WBP2NL: variants seen among roughly 807,000 people sequenced by gnomAD.
WBP2NL encodes the protein WBP2 N-terminal like, also known as postacrosomal sheath WW domain-binding protein.
Under a neutral mutation model 23.3 loss-of-function variants are expected in WBP2NL, and 27 were observed. The observed-to-expected ratio is 1.16, with a 90% CI of 0.85 to 1.60. The LOEUF (loss-of-function observed/expected upper bound fraction) is 1.60. Ranked by LOEUF, WBP2NL falls within the 40% of genes most tolerant of loss-of-function variation. WBP2NL has a pLI of 0.00. For synonymous variants in WBP2NL, 151 were observed against 145.9 expected (o/e 1.03, Z -0.25); for missense variants, 370 against 389.5 (o/e 0.95, Z 0.42).
chr22:42,055,492 T>C (rs1448831050), intron 8 of WBP2NL, among the ~76,000 whole-genome samples: 1 of 152,182 alleles, frequency 6.6e-6, no homozygotes, highest in Non-Finnish European at 1.5e-5. Flanking sequence ...TCTTTTACAA[T>C]TTAGTGATAC....
At chr22:42,029,625 G>C (rs1411955795), downstream of WBP2NL, among the ~76,000 whole-genome samples, 2 of 152,144 alleles carry the variant, frequency 1.3e-5, no homozygotes, top group Non-Finnish European at 2.9e-5. Flanking sequence ...TCCTGTCTCA[G>C]CCTCCTGAAG....
At chr22:42,026,227 G>A (rs1009209854) in intron 5 of WBP2NL, among the ~76,000 whole-genome samples, 9 of 150,906 alleles carry the variant, frequency 6.0e-5, no homozygotes, top group East Asian at 1.9e-4. Flanking sequence ...AGCCAAGATC[G>A]CGCCACTGCA....
chr22:42,018,035 G>T (rs1923476964), intron 1 of WBP2NL, among the ~76,000 whole-genome samples: 1 of 151,702 alleles, frequency 6.6e-6, no homozygotes, highest in African/African-American at 2.4e-5. Context: ...CTTAATCCCA[G>T]CTATTTGGGA....
chr22:42,026,441 A>G (rs774457509), intron 5 of WBP2NL, among the ~76,000 whole-genome samples: 1 of 151,900 alleles, frequency 6.6e-6, no homozygotes, highest in Admixed American at 6.6e-5. Flanking sequence ...TCTTTTCTCT[A>G]TTTTCCAAAC....
At chr22:42,015,498 G>A (rs1419998316) in intron 1 of WBP2NL, among the ~76,000 whole-genome samples, 1 of 152,056 alleles carries the variant, frequency 6.6e-6, no homozygotes, top group East Asian at 1.9e-4. Context: ...TGCCTCCCGG[G>A]TTCAAGCAAT....
In WBP2NL at chr22:42,027,995, A is replaced by G. The variant is rs887526254; in HGVS notation, c.*814A>G. The G allele has an allele frequency of 2.3e-5, 9 of 398,382 alleles. No homozygotes were observed. The South Asian group carries it at 1.0e-3, about 45-fold the overall frequency. 24.7% of individuals were successfully genotyped at this position (398,382 alleles called of 1,614,324 possible). A position where few individuals can be genotyped will look rare whatever the true frequency, so the allele number is the denominator to read the frequency against. ...AGATGAGAAAACATTTTTATCTCCA[A>G]AGATTTACAAATATTAAAACTCTTG... On this transcript the variant is annotated 3_prime_UTR_variant, in exon 6 of 6. Coordinates refer to ENST00000328823, the MANE Select transcript of WBP2NL (RefSeq NM_152613.3).
At chr22:42,008,367 A>G in intron 1 of WBP2NL, among the ~76,000 whole-genome samples, 1 of 151,298 alleles carries the variant, frequency 6.6e-6, no homozygotes, top group Non-Finnish European at 1.5e-5. Context: ...ATGCCACTAC[A>G]CCCAGTTTTT....
At chr22:42,023,687 G>A (rs1184984247) in intron 5 of WBP2NL, among the ~76,000 whole-genome samples, 1 of 151,768 alleles carries the variant, frequency 6.6e-6, no homozygotes, top group East Asian at 1.9e-4. Flanking sequence ...AGTAGAGACG[G>A]GATTTCACTG....
chr22:42,037,128 T>TG (rs1026236989), downstream of WBP2NL, among the ~76,000 whole-genome samples: 2 of 148,090 alleles, frequency 1.4e-5, no homozygotes, highest in Admixed American at 6.8e-5. Context: ...CAGATTTCAT[T>TG]TGTGTGTGTG....
chr22:42,016,286 T>C (rs1326768003), intron 1 of WBP2NL, among the ~76,000 whole-genome samples: 1 of 152,128 alleles, frequency 6.6e-6, no homozygotes, highest in Non-Finnish European at 1.5e-5. Flanking sequence ...CGGCCGGAAA[T>C]GTTTTTGACA....
At chr22:42,003,696 A>T (rs1042023584) in intron 1 of WBP2NL, among the ~76,000 whole-genome samples, 5 of 152,200 alleles carry the variant, frequency 3.3e-5, no homozygotes, top group Non-Finnish European at 5.9e-5. Flanking sequence ...TTGCGAAAAA[A>T]CTATGCATGG....
intron 1 of WBP2NL, among the ~76,000 whole-genome samples, chr22:42,006,775 G>A (rs1259426005): frequency 6.6e-6 from 1 of 152,082 alleles, no homozygotes; most frequent in Non-Finnish European, 1.5e-5. Flanking sequence ...ATTATATTTT[G>A]ACTCCTCTTG....
intron 1 of WBP2NL, among the ~76,000 whole-genome samples, chr22:42,011,923 C>A (rs959686314): frequency 1.3e-5 from 2 of 152,114 alleles, no homozygotes; most frequent in African/African-American, 4.8e-5. Context: ...CAGGTGCCCA[C>A]CACCATGCCT....
chr22:42,044,955 A>G (rs1925528464), intron 8 of WBP2NL, among the ~76,000 whole-genome samples: 1 of 151,952 alleles, frequency 6.6e-6, no homozygotes, highest in South Asian at 2.1e-4. Flanking sequence ...CTGGGACTAC[A>G]GGCACATGCC....
At chr22:42,005,554 G>A (rs1308478190) in intron 1 of WBP2NL, among the ~76,000 whole-genome samples, 1 of 152,152 alleles carries the variant, frequency 6.6e-6, no homozygotes, top group Admixed American at 6.5e-5. Flanking sequence ...GCCTGTGGTG[G>A]CAGACCATCC....
In WBP2NL at chr22:42,028,257, T is replaced by C. The variant is rs1924682685; in HGVS notation, c.*1076T>C. ...AGCAAGTTGTAGGGAGCATATACTA[T>C]AGTGATTTTCAGCCTCATCAGACTG... On this transcript the variant is annotated 3_prime_UTR_variant, in exon 6 of 6. Transcript: ENST00000328823. 1 of 395,060 alleles carries C rather than the reference T, an allele frequency of 2.5e-6. No homozygotes were observed. 24.5% of individuals were successfully genotyped at this position (395,060 alleles called of 1,614,324 possible). A position where few individuals can be genotyped will look rare whatever the true frequency, so the allele number is the denominator to read the frequency against.
chr22:42,026,115 C>T (rs1380009973), intron 5 of WBP2NL, among the ~76,000 whole-genome samples: 2 of 151,370 alleles, frequency 1.3e-5, no homozygotes, highest in Non-Finnish European at 2.9e-5. Context: ...ACTAAAAATA[C>T]AAAAAAATTA....
At position 42,020,057 on chromosome 22, in the gene WBP2NL, A is replaced by T; in HGVS notation, c.367A>T (p.Ile123Phe). ...ATTAGTCTTCAGAAATGGAGATGCC[A>T]TTGAATTTGCCCAGTTGATGGTGAA... ...FKLVFRNGDA[I>F]EFAQLMVKAA... Residue 123 changes from isoleucine to phenylalanine, a missense_variant, in exon 4 of 6, where the codon ATT becomes TTT. Ile to Phe is a conservative substitution (Grantham distance 21). Transcript: ENST00000328823. The T allele has an allele frequency of 6.2e-7, 1 of 1,614,148 alleles. No individual in the cohort carries two copies. The highest frequency in any genetic ancestry group is 1.1e-5 in the South Asian group (1 of 91,070).
In WBP2NL at chr22:42,001,870, T is replaced by C. The variant is rs1847886663; in HGVS notation, c.62+2990T>C. ...GCATGCTGCACCTGTAGCAGCAGCT[T>C]GACCCGCTCGATGGGTGCTACCGCC... On this transcript the variant is annotated intron_variant, in intron 1 of 5. Transcript: ENST00000328823. 4.0e-6 allele frequency: 6 copies of C among 1,487,430 alleles called. No individual in the cohort carries two copies. The South Asian group carries it at 6.9e-5, about 17-fold the overall frequency. The allele number at this position is 1,487,430 out of a possible 1,614,324, so 92.1% of individuals were successfully genotyped here. A position where few individuals can be genotyped will look rare whatever the true frequency, so the allele number is the denominator to read the frequency against.
Sources: gnomAD v4.1 joint callset for allele counts (sites outside exome capture counted in the v4.1 genomes callset) on GRCh38, gnomAD v4.1.1 for gene constraint, MANE v1.5 for transcripts, NCBI Gene and HGNC (gene_info 2026-07-23, HGNC 2026-07-21) for gene names.